Variants in THSD4 observed in about 807,000 individuals in gnomAD.
THSD4 encodes thrombospondin type-1 domain-containing protein 4.
Under a neutral mutation model 119.0 loss-of-function variants are expected in THSD4, and 69 were observed. The ratio of observed to expected loss-of-function variants is 0.58; its 90% CI spans 0.48 to 0.71. The LOEUF is 0.71. THSD4 is among the 30% of genes least tolerant of loss of function. THSD4 has a pLI of 0.00. For missense variants in THSD4, 1,393 were observed against 1,391.1 expected, an observed-to-expected ratio of 1.00 and a Z score of -0.02; for synonymous variants, 524 against 540.4, an observed-to-expected ratio of 0.97 and a Z score of 0.42.
intron 7 of THSD4, among the ~76,000 whole-genome samples, chr15:71,487,423 G>C (rs2047839680): frequency 6.6e-6 from 1 of 152,172 alleles, no homozygotes; most frequent in Admixed American, 6.5e-5. Context: ...AGTCAACAGT[G>C]ACCACTTCCT....
rs190602332 is a variant in THSD4, at chr15:71,609,955, G to T, written c.1153-50575G>T. 5.3e-5 allele frequency among the ~76,000 whole-genome samples: 8 copies of T among 152,220 alleles called. No individual in the cohort carries two copies. In the East Asian group the frequency reaches 1.5e-3, roughly 29 times the overall value. Reference sequence around the variant, plus strand: ...GCACTGAAAGAAAGTGAACTTGCTCGGGCATGCTTGGGGCCCAGTAAGCAA... The same window carrying T: ...GCACTGAAAGAAAGTGAACTTGCTCTGGCATGCTTGGGGCCCAGTAAGCAA... On this transcript the variant is annotated intron_variant, in intron 7 of 17. Coordinates refer to ENST00000261862, the MANE Select transcript of THSD4 (RefSeq NM_024817.3).
intron 8 of THSD4, among the ~76,000 whole-genome samples, chr15:71,695,613 G>A (rs1025746095): frequency 6.6e-6 from 1 of 152,000 alleles, no homozygotes; most frequent in Admixed American, 6.6e-5. Context: ...CCTTAGTGAA[G>A]GGACAGATGA....
chr15:71,610,659 G>T (rs1296721308), intron 7 of THSD4, among the ~76,000 whole-genome samples: 1 of 152,108 alleles, frequency 6.6e-6, no homozygotes, highest in Non-Finnish European at 1.5e-5. Context: ...TTATGTACCT[G>T]TATATACTTA....
At chr15:71,317,978 T>G (rs985189809) in intron 6 of THSD4, among the ~76,000 whole-genome samples, 1 of 152,120 alleles carries the variant, frequency 6.6e-6, no homozygotes, top group Admixed American at 6.5e-5. Context: ...TCACTGCTGT[T>G]TTATTAGGTG....
chr15:71,393,377 TA>T (rs2046402531), intron 6 of THSD4, among the ~76,000 whole-genome samples: 1 of 151,956 alleles, frequency 6.6e-6, no homozygotes, highest in South Asian at 2.1e-4. Flanking sequence ...CATCTTTTGG[TA>T]AAAATGATCA....
intron 7 of THSD4, among the ~76,000 whole-genome samples, chr15:71,588,727 C>A (rs903646706): frequency 1.3e-5 from 2 of 152,198 alleles, no homozygotes; most frequent in African/African-American, 2.4e-5. Flanking sequence ...AGCCACCACA[C>A]CTGGCCAGTG....
intron 6 of THSD4, among the ~76,000 whole-genome samples, chr15:71,409,789 A>G (rs914272146): frequency 3.3e-5 from 5 of 152,192 alleles, no homozygotes; most frequent in Non-Finnish European, 7.3e-5. Flanking sequence ...GTAGTGTAGG[A>G]AAAAGTCAGT....
At position 71,668,461 on chromosome 15, in the gene THSD4, T is replaced by C. The variant is rs548865936; in HGVS notation, c.1357+7727T>C. Among the ~76,000 whole-genome samples, 3 of 151,356 alleles carry C rather than the reference T, an allele frequency of 2.0e-5. No individual in the cohort carries two copies. The South Asian group carries it at 6.3e-4, about 32-fold the overall frequency. ...GGCTCTGAGCCTGGAAGACAGCAGG[T>C]AAAAGGGAGGGGAGAAGGGGAGAAT... On this transcript the variant is annotated intron_variant, in intron 8 of 17. Coordinates refer to ENST00000261862, the MANE Select transcript of THSD4 (RefSeq NM_024817.3).
chr15:71,434,814 A>C (rs1207428435), intron 7 of THSD4, among the ~76,000 whole-genome samples: 2 of 152,120 alleles, frequency 1.3e-5, no homozygotes, highest in Non-Finnish European at 1.5e-5. Flanking sequence ...ACAATTTCTT[A>C]TTATTAGATT....
At chr15:71,378,581 A>T in intron 6 of THSD4, among the ~76,000 whole-genome samples, 1 of 152,248 alleles carries the variant, frequency 6.6e-6, no homozygotes, top group East Asian at 1.9e-4. Context: ...CAGTAATTGC[A>T]TATATAAAGT....
At position 71,442,579 on chromosome 15, in the gene THSD4, A is replaced by AAT. The variant is rs1555414268; in HGVS notation, c.1152+30777_1152+30778dup. 2.2e-3 allele frequency among the ~76,000 whole-genome samples: 89 copies of AAT among 39,860 alleles called. 11 individuals carry two copies. The East Asian group carries it at 0.032, about 14-fold the overall frequency. 26.1% of individuals were successfully genotyped at this position (39,860 alleles called of 152,430 possible). On this transcript the variant is annotated intron_variant, in intron 7 of 17. Transcript: ENST00000261862. ...GCAAAACTCCATCTCAAAAAAAAAA[A>AAT]ATATATATATATATATATATATGTG...
intron 9 of THSD4, chr15:71,728,947 C>A: frequency 3.4e-6 from 2 of 583,346 alleles, no homozygotes; most frequent in Non-Finnish European, 6.0e-6. Context: ...ATGCTTATTA[C>A]CTTCGGAGTT....
At chr15:71,201,951 G>T (rs923662896) in intron 3 of THSD4, among the ~76,000 whole-genome samples, 3 of 152,212 alleles carry the variant, frequency 2.0e-5, no homozygotes, top group Admixed American at 2.0e-4. Flanking sequence ...TCTGTGAATA[G>T]CTGGGGCCAG....
chr15:71,716,555 G>A (rs539668521), intron 8 of THSD4, among the ~76,000 whole-genome samples: 1 of 93,074 alleles, frequency 1.1e-5, no homozygotes, highest in South Asian at 3.1e-4. Flanking sequence ...GTTTTATAGA[G>A]TGTGGGGTGT....
chr15:71,307,210 C>A (rs1350416538), intron 6 of THSD4, among the ~76,000 whole-genome samples: 1 of 152,190 alleles, frequency 6.6e-6, no homozygotes, highest in Non-Finnish European at 1.5e-5. Context: ...CGTGTTAAGG[C>A]TGGCTCAGTA....
At chr15:71,679,955 C>T (rs1236578942) in intron 8 of THSD4, among the ~76,000 whole-genome samples, 2 of 152,116 alleles carry the variant, frequency 1.3e-5, no homozygotes, top group African/African-American at 2.4e-5. Flanking sequence ...AGAGTTTTTG[C>T]GTGTGTTTTT....
At position 71,215,397 on chromosome 15, in the gene THSD4, A is replaced by G. The variant is rs1229258961; in HGVS notation, c.462A>G (p.Arg154=). The G allele has an allele frequency of 1.3e-6, 2 of 1,528,278 alleles. No homozygotes were observed. The highest frequency in any genetic ancestry group is 1.4e-5 in the African/African-American group (1 of 72,306). The allele number at this position is 1,528,278 out of a possible 1,614,324, so 94.7% of individuals were successfully genotyped here. The part of the protein sequence containing the change: ...QPQGLEVTGD[R]RSRTRGTIGP... ...AGGGCCTCGAAGTCACTGGGGACAG[A>G]AGGTACACGCCCGCCCTTGTCTGTG... Residue 154 remains arginine, a splice_region_variant and synonymous_variant, in exon 4 of 18, where the codon AGA becomes AGG. Transcript: ENST00000261862.
chr15:71,658,875 G>C (rs149184561), intron 7 of THSD4, among the ~76,000 whole-genome samples: 1 of 152,116 alleles, frequency 6.6e-6, no homozygotes, highest in South Asian at 2.1e-4. Flanking sequence ...GTCAATGTGC[G>C]CTTGGGAATA....
rs114009101 is a variant in THSD4 at position 71,326,191 on chromosome 15, C to T, written c.1015+69476C>T. On this transcript the variant is annotated intron_variant, in intron 6 of 17. Transcript: ENST00000261862. Reference sequence around the variant, plus strand: ...ACCTAGAACAAGTGATTTAACCCTCCAAGCTTTGGTTTCCTCGTTCACAAT... The same window carrying T: ...ACCTAGAACAAGTGATTTAACCCTCTAAGCTTTGGTTTCCTCGTTCACAAT... Among the ~76,000 whole-genome samples, 1,053 of 152,270 alleles carry T rather than the reference C, an allele frequency of 6.9e-3. 10 individuals are homozygous for T. The highest frequency in any genetic ancestry group is 0.023 in the African/African-American group (957 of 41,554).
Sources: gnomAD v4.1 joint callset for allele counts (sites outside exome capture counted in the v4.1 genomes callset) on GRCh38, gnomAD v4.1.1 for gene constraint, MANE v1.5 for transcripts, NCBI Gene and HGNC (gene_info 2026-07-23, HGNC 2026-07-21) for gene names.